CCBE1: variants seen among roughly 807,000 people sequenced by gnomAD.
The protein encoded by CCBE1 is collagen and calcium-binding EGF domain-containing protein 1.
CCBE1 carries 37 observed loss-of-function variants against 50.0 expected under a neutral mutation model. The observed-to-expected ratio is 0.74, with a 90% CI of 0.57 to 0.97. The LOEUF (loss-of-function observed/expected upper bound fraction) is 0.97. Ranked by LOEUF, CCBE1 falls within the 50% of genes least tolerant of loss-of-function variation. The pLI is 0.00. For synonymous variants in CCBE1, 234 were observed against 203.7 expected (o/e 1.15, Z -1.27); for missense variants, 538 against 523.8 (o/e 1.03, Z -0.26).
intron 2 of CCBE1, among the ~76,000 whole-genome samples, chr18:59,612,823 TTTG>T (rs1291065428): frequency 1.1e-4 from 12 of 110,058 alleles, no homozygotes; most frequent in South Asian, 3.5e-4. Context: ...GGGTTTTTTT[TTTG>T]TTTTTTTTTG....
chr18:59,645,958 C>G (rs1426992208), intron 2 of CCBE1, among the ~76,000 whole-genome samples: 9 of 151,848 alleles, frequency 5.9e-5, no homozygotes, highest in South Asian at 2.1e-4. Context: ...GTGAACCCGG[C>G]AGACGGAGCT....
At chr18:59,565,505 CCCAGCCCCACA>C (rs1022089123) in intron 2 of CCBE1, among the ~76,000 whole-genome samples, 2 of 152,320 alleles carry the variant, frequency 1.3e-5, no homozygotes, top group African/African-American at 4.8e-5. Flanking sequence ...CTCTCTACAG[CCCAGCCCCACA>C]CCTGGCCCCA....
chr18:59,684,855 C>T (rs568372388), intron 2 of CCBE1, among the ~76,000 whole-genome samples: 61 of 152,244 alleles, frequency 4.0e-4, no homozygotes, highest in Non-Finnish European at 6.0e-4. Context: ...ACAGTTAACT[C>T]AAGCCCGTAA....
At chr18:59,535,675 A>G (rs1915218956) in intron 2 of CCBE1, among the ~76,000 whole-genome samples, 1 of 152,380 alleles carries the variant, frequency 6.6e-6, no homozygotes, top group African/African-American at 2.4e-5. Context: ...TGACATACTC[A>G]TACAGAGAAA....
intron 2 of CCBE1, among the ~76,000 whole-genome samples, chr18:59,606,571 T>A (rs1376927055): frequency 6.6e-6 from 1 of 152,144 alleles, no homozygotes; most frequent in African/African-American, 2.4e-5. Context: ...GCACGGATCA[T>A]TTACAAACCA....
intron 2 of CCBE1, among the ~76,000 whole-genome samples, chr18:59,495,194 A>G (rs146724312): frequency 9.2e-5 from 14 of 152,170 alleles, no homozygotes; most frequent in African/African-American, 2.9e-4. Flanking sequence ...ATGGAGGTGT[A>G]CTTTTTTTGA....
intron 2 of CCBE1, among the ~76,000 whole-genome samples, chr18:59,679,810 T>G (rs991963842): frequency 5.3e-5 from 8 of 152,138 alleles, no homozygotes; most frequent in African/African-American, 1.9e-4. Context: ...TAGGGAGACA[T>G]GAGACATCAA....
chr18:59,686,945 TG>T (rs1334074907), intron 2 of CCBE1, among the ~76,000 whole-genome samples: 2 of 152,020 alleles, frequency 1.3e-5, no homozygotes, highest in Non-Finnish European at 2.9e-5. Flanking sequence ...AGTGCATTTT[TG>T]TTTGGGGGCA....
intron 2 of CCBE1, among the ~76,000 whole-genome samples, chr18:59,588,106 C>T (rs1248503965): frequency 6.6e-6 from 1 of 152,122 alleles, no homozygotes; most frequent in African/African-American, 2.4e-5. Flanking sequence ...GAATTTGATG[C>T]TAAAATTTAC....
At chr18:59,520,143 C>G (rs1343495134) in intron 2 of CCBE1, among the ~76,000 whole-genome samples, 1 of 152,118 alleles carries the variant, frequency 6.6e-6, no homozygotes, top group Non-Finnish European at 1.5e-5. Flanking sequence ...TTAGGATTGT[C>G]TTGGCTATAC....
chr18:59,521,622 G>A (rs913779101), intron 2 of CCBE1, among the ~76,000 whole-genome samples: 12 of 152,226 alleles, frequency 7.9e-5, no homozygotes, highest in African/African-American at 2.6e-4. Flanking sequence ...TGTTTACCTC[G>A]TTTGAGGCTC....
intron 6 of CCBE1, among the ~76,000 whole-genome samples, chr18:59,454,244 T>A (rs1348930786): frequency 6.6e-6 from 1 of 152,150 alleles, no homozygotes; most frequent in African/African-American, 2.4e-5. Context: ...TCCGATGGCA[T>A]GCCTAGAAAT....
intron 2 of CCBE1, among the ~76,000 whole-genome samples, chr18:59,497,234 C>T (rs192484654): frequency 7.3e-4 from 111 of 152,202 alleles, no homozygotes; most frequent in East Asian, 1.2e-3. Context: ...GTGAAATACT[C>T]GGAAGCCAAA....
At chr18:59,523,428 C>A (rs558613492) in intron 2 of CCBE1, among the ~76,000 whole-genome samples, 12 of 151,346 alleles carry the variant, frequency 7.9e-5, no homozygotes, top group African/African-American at 2.9e-4. Flanking sequence ...GATGTTTAAT[C>A]TTTCTGTATC....
At chr18:59,694,335 C>A (rs535715406) in intron 2 of CCBE1, among the ~76,000 whole-genome samples, 14 of 152,212 alleles carry the variant, frequency 9.2e-5, no homozygotes, top group African/African-American at 3.4e-4. Context: ...ACTTACAGCT[C>A]AATTCAAAGT....
Position 59,697,274 on chromosome 18 carries a change from C to G in CCBE1, c.69G>C (p.Leu23=). 1 of 1,549,198 alleles carries G rather than the reference C, an allele frequency of 6.5e-7. No individual in the cohort carries two copies. The stretch of plus-strand genomic sequence containing the variant: ...TGTGTCCCAACGCCAGGAGCAGCAG[C>G]AGCGGACCCAGGCTCCTGCCCAGCT... ...RGQLGRSLGP[L]LLLLALGHTW... is the part of the protein sequence containing the mutation. The change falls in exon 1 of 11, where the codon CTG becomes CTC. Residue 23 remains leucine (L), a synonymous_variant. Transcript: ENST00000439986.
At chr18:59,448,324 T>G (rs1910778742) in intron 6 of CCBE1, among the ~76,000 whole-genome samples, 1 of 152,210 alleles carries the variant, frequency 6.6e-6, no homozygotes, top group Non-Finnish European at 1.5e-5. Flanking sequence ...AGTTAGTAGG[T>G]GAGCTTAAAT....
chr18:59,580,239 C>A (rs950758103), intron 2 of CCBE1, among the ~76,000 whole-genome samples: 4 of 152,204 alleles, frequency 2.6e-5, no homozygotes, highest in African/African-American at 9.6e-5. Flanking sequence ...TTTGGAGATG[C>A]TAATCAGAAA....
intron 2 of CCBE1, among the ~76,000 whole-genome samples, chr18:59,481,323 C>T (rs114807998): frequency 0.011 from 1,301 of 118,632 alleles, 21 homozygotes; most frequent in African/African-American, 0.045. Flanking sequence ...GGAACAGAGA[C>T]GTGTGGGCTA....
Sources: allele counts gnomAD v4.1 joint callset (sites outside exome capture counted in the v4.1 genomes callset), GRCh38; gene constraint gnomAD v4.1.1; transcripts MANE v1.5; gene names NCBI Gene and HGNC (gene_info 2026-07-23, HGNC 2026-07-21).